TTYH1: variants seen among roughly 807,000 people sequenced by gnomAD.
TTYH1 encodes protein tweety homolog 1.
In TTYH1, 33 loss-of-function variants were observed where a neutral mutation model predicts 61.2. That is an observed-to-expected ratio of 0.54 (90% CI 0.41 to 0.72). TTYH1 has a LOEUF of 0.72. Among genes scored for constraint, TTYH1 ranks in the 30% least tolerant of loss-of-function variants. The probability of loss-of-function intolerance (pLI) is 0.00; values close to 1 mark genes in which losing one functional copy is unlikely to be tolerated. For synonymous variants in TTYH1, 308 were observed against 266.4 expected (o/e 1.16, Z -1.52); for missense variants, 538 against 575.8 (o/e 0.93, Z 0.67).
Position 54,419,686 on chromosome 19 carries a change from C to T in TTYH1, c.305+380C>T, listed in dbSNP as rs544098978. On this transcript the variant is annotated intron_variant, in intron 2 of 13. Transcript: ENST00000376530. This position sits in a 1 kb window ranked among gnomAD's most constrained non-coding sequence, Gnocchi z 6.1. ...GCATTATCATCTCGCCCACCTCCTG[C>T]GGGGGTAAGATGGAGAGAAAGCACA... is the stretch of plus-strand genomic sequence containing the variant. 153 of 481,166 alleles carry T rather than the reference C, an allele frequency of 3.2e-4. 2 individuals are homozygous for T. The highest frequency in any genetic ancestry group is 1.6e-3 in the South Asian group (90 of 57,840). 29.8% of individuals were successfully genotyped at this position (481,166 alleles called of 1,614,324 possible). A position where few individuals can be genotyped will look rare whatever the true frequency, so the allele number is the denominator to read the frequency against.
chr19:54,435,613 C>G lies in TTYH1; in HGVS notation c.1197C>G (p.Ser399=). The part of the protein sequence containing the change: ...LEGLLFLLLF[S]LLSAGALATA... ...GCCTGCTCTTCCTGCTACTCTTCTCCCTGCTGTCTGCAGGAGCGCTGGCCA... is the reference window on the plus strand; with the variant it reads ...GCCTGCTCTTCCTGCTACTCTTCTCGCTGCTGTCTGCAGGAGCGCTGGCCA... The change falls in exon 11 of 14, where the codon TCC becomes TCG. Residue 399 remains serine, a synonymous_variant. Coordinates refer to ENST00000376530, the MANE Select transcript of TTYH1 (RefSeq NM_020659.4). 1 of 1,612,088 alleles carries G rather than the reference C, an allele frequency of 6.2e-7. No homozygotes were observed. The highest frequency in any genetic ancestry group is 2.2e-5 in the East Asian group (1 of 44,874).
At chr19:54,425,004 G>A (rs2083294288) in intron 4 of TTYH1, among the ~76,000 whole-genome samples, 1 of 152,196 alleles carries the variant, frequency 6.6e-6, no homozygotes, top group Admixed American at 6.5e-5. Flanking sequence ...TCCAAGGAAT[G>A]GAATCCTGGG....
At position 54,429,646 on chromosome 19, in the gene TTYH1, AGGAGAAGCTGGG is replaced by A. The variant is rs907291084; in HGVS notation, c.808-233_808-222del. Among the ~76,000 whole-genome samples the A allele has an allele frequency of 8.1e-5, 12 of 147,730 alleles. No homozygotes were observed. Among genetic ancestry groups the A allele is most frequent in the Non-Finnish European group, 1.6e-4 (11 of 66,946 alleles). ...GGGTCTGGACTCCTGGGTGTGAGGGAGGAGAAGCTGGGGGCCTGGACTCCTGAGTCTGAGGGA... is the reference window on the plus strand; with the variant it reads ...GGGTCTGGACTCCTGGGTGTGAGGGAGGCCTGGACTCCTGAGTCTGAGGGA... On this transcript the variant is annotated intron_variant, in intron 6 of 13. Coordinates refer to ENST00000376530, the MANE Select transcript of TTYH1 (RefSeq NM_020659.4). The surrounding 1 kb of genome is among the most constrained non-coding windows in gnomAD (Gnocchi z 5.1).
intron 10 of TTYH1, among the ~76,000 whole-genome samples, 158 bp from the exon 11 acceptor site, chr19:54,435,384 A>G (rs554717592): frequency 3.9e-5 from 6 of 152,166 alleles, no homozygotes; most frequent in Admixed American, 3.9e-4. Context: ...TACCCACTGT[A>G]TTCTCAGAAC....
Position 54,436,153 on chromosome 19 carries a change from A to G in TTYH1, c.*24A>G. The stretch of plus-strand genomic sequence containing the variant: ...GAGCCCCTCCTCCCGGCTGGACTGG[A>G]GCCTGGCTCCCCTCTTCGGTGAGCT... On this transcript the variant is annotated 3_prime_UTR_variant, in exon 13 of 14. Transcript: ENST00000376530. This position sits in a 1 kb window ranked among gnomAD's most constrained non-coding sequence, Gnocchi z 4.3. 1 of 1,613,958 alleles carries G rather than the reference A, an allele frequency of 6.2e-7. No individual in the cohort carries two copies. Among genetic ancestry groups the G allele is most frequent in the South Asian group, 1.1e-5 (1 of 91,090 alleles).
chr19:54,416,162 G>C lies in TTYH1; in HGVS notation c.126+484G>C, dbSNP rs1033137352. Reference sequence around the variant, plus strand: ...GCTGCTGCGGTGCTGGGATGGGATTGAGAGTCTGAAATGGGGAAGGGGGCT... The same window carrying C: ...GCTGCTGCGGTGCTGGGATGGGATTCAGAGTCTGAAATGGGGAAGGGGGCT... On this transcript the variant is annotated intron_variant, in intron 1 of 13. Transcript: ENST00000376530. The surrounding 1 kb of genome is among the most constrained non-coding windows in gnomAD (Gnocchi z 7.0). The C allele has an allele frequency of 3.9e-5, 40 of 1,014,136 alleles. No homozygotes were observed. In the African/African-American group the frequency reaches 6.5e-4, roughly 16 times the overall value. 62.8% of individuals were successfully genotyped at this position (1,014,136 alleles called of 1,614,324 possible). A position where few individuals can be genotyped will look rare whatever the true frequency, so the allele number is the denominator to read the frequency against.
intron 4 of TTYH1, among the ~76,000 whole-genome samples, chr19:54,423,079 G>A (rs916859226): frequency 9.9e-5 from 15 of 151,630 alleles, no homozygotes; most frequent in Admixed American, 4.6e-4. Flanking sequence ...TCACACATGC[G>A]TTCATTCCTT....
Position 54,421,451 on chromosome 19 carries a change from G to A in TTYH1, c.417+63G>A. The stretch of plus-strand genomic sequence containing the variant: ...CCTGGACGGGCTCCCCACACCCAAG[G>A]ACAAAGGGATCCAAACTCAGAGCTA... On this transcript the variant is annotated intron_variant, in intron 3 of 13. Transcript: ENST00000376530. The surrounding 1 kb of genome is among the most constrained non-coding windows in gnomAD (Gnocchi z 4.8). 8.9e-7 allele frequency: 1 copy of A among 1,125,918 alleles called. No homozygotes were observed. Among genetic ancestry groups the A allele is most frequent in the Non-Finnish European group, 1.4e-6 (1 of 736,982 alleles). The allele number at this position is 1,125,918 out of a possible 1,614,324, so 69.7% of individuals were successfully genotyped here. A position where few individuals can be genotyped will look rare whatever the true frequency, so the allele number is the denominator to read the frequency against.
intron 1 of TTYH1, among the ~76,000 whole-genome samples, chr19:54,417,836 TCA>T (rs2083120467): frequency 6.6e-6 from 1 of 151,682 alleles, no homozygotes; most frequent in Admixed American, 6.6e-5. Flanking sequence ...CCGGACCCAC[TCA>T]CAGGCCCAAG....
rs1189149191 is a variant in TTYH1, at chr19:54,420,490, GC to G, written c.306-785del. Among the ~76,000 whole-genome samples, 2 of 152,022 alleles carry G rather than the reference GC, an allele frequency of 1.3e-5. No homozygotes were observed. Among genetic ancestry groups the G allele is most frequent in the African/African-American group, 4.8e-5 (2 of 41,398 alleles). On this transcript the variant is annotated intron_variant, in intron 2 of 13. Transcript: ENST00000376530. This position sits in a 1 kb window ranked among gnomAD's most constrained non-coding sequence, Gnocchi z 4.8. ...CCCGAGGGATGGGGGTGGAGGCCCA[GC>G]CGGGGCTGGGAACCGGGAGGGTGTC...
rs889149 is a variant in TTYH1, at chr19:54,429,293, C to T, written c.735-14C>T. ...ATTAAGAACCCCGGGCTGATCCTCC[C>T]TCCCCCACTCTAGGATGACAGTCAT... On this transcript the variant is annotated splice_polypyrimidine_tract_variant and intron_variant, in intron 5 of 13. Transcript: ENST00000376530. The surrounding 1 kb of genome is among the most constrained non-coding windows in gnomAD (Gnocchi z 5.1). The T allele has an allele frequency of 0.21, 346,379 of 1,611,400 alleles. 39,005 individuals carry two copies. Among genetic ancestry groups the T allele is most frequent in the Middle Eastern group, 0.32 (1,906 of 6,050 alleles).
intron 4 of TTYH1, among the ~76,000 whole-genome samples, chr19:54,423,859 C>T (rs1025228454): frequency 6.6e-6 from 1 of 152,080 alleles, no homozygotes; most frequent in Non-Finnish European, 1.5e-5. Context: ...GCCATGAGAA[C>T]TTTGGAGAAA....
chr19:54,415,895 A>C lies in TTYH1; in HGVS notation c.126+217A>C. The stretch of plus-strand genomic sequence containing the variant: ...GGGGGTCCAGACCTCGAGCTCTCTA[A>C]ATAAGGGAAGGCTGGGGACCTGCAC... On this transcript the variant is annotated intron_variant, in intron 1 of 13. Transcript: ENST00000376530. The surrounding 1 kb of genome is among the most constrained non-coding windows in gnomAD (Gnocchi z 5.2). The C allele has an allele frequency of 1.3e-6, 1 of 787,758 alleles. No homozygotes were observed. Among genetic ancestry groups the C allele is most frequent in the Non-Finnish European group, 1.9e-6 (1 of 514,852 alleles). The allele number at this position is 787,758 out of a possible 1,614,324, so 48.8% of individuals were successfully genotyped here. A position where few individuals can be genotyped will look rare whatever the true frequency, so the allele number is the denominator to read the frequency against.
chr19:54,432,662 C>T (rs1370663168), intron 10 of TTYH1: 1 of 152,314 alleles, frequency 6.6e-6, no homozygotes, highest in Non-Finnish European at 1.5e-5. Flanking sequence ...GCATGGCCCC[C>T]TCCCCATCCA....
chr19:54,420,080 A>G lies in TTYH1; in HGVS notation c.305+774A>G, dbSNP rs1026522018. Among the ~76,000 whole-genome samples the G allele has an allele frequency of 4.6e-5, 7 of 152,122 alleles. No individual in the cohort carries two copies. The highest frequency in any genetic ancestry group is 1.7e-4 in the African/African-American group (7 of 41,424). On this transcript the variant is annotated intron_variant, in intron 2 of 13. Coordinates refer to ENST00000376530, the MANE Select transcript of TTYH1 (RefSeq NM_020659.4). This position sits in a 1 kb window ranked among gnomAD's most constrained non-coding sequence, Gnocchi z 4.8. ...AGAGGCAGCACAGAGATTCAGACCC[A>G]GGTTAGTAGGACCCCCTCACACCCC...
In TTYH1 at chr19:54,436,430, TC is replaced by T. The variant is rs2083554964; in HGVS notation, c.*143del. 5.7e-6 allele frequency: 9 copies of T among 1,583,580 alleles called. No individual in the cohort carries two copies. Among genetic ancestry groups the T allele is most frequent in the Non-Finnish European group, 7.8e-6 (9 of 1,152,950 alleles). ...CATGGACAGCCTGCACAGGACCGCCTCCCTGCTCTTGGCCACTGTGCTCCCA... is the reference window on the plus strand; with the variant it reads ...CATGGACAGCCTGCACAGGACCGCCTCCTGCTCTTGGCCACTGTGCTCCCA... On this transcript the variant is annotated 3_prime_UTR_variant, in exon 14 of 14. Transcript: ENST00000376530. This position sits in a 1 kb window ranked among gnomAD's most constrained non-coding sequence, Gnocchi z 4.3.
At chr19:54,433,898 GGTCA>G (rs2083489011) in intron 10 of TTYH1, among the ~76,000 whole-genome samples, 1 of 152,016 alleles carries the variant, frequency 6.6e-6, no homozygotes, top group Non-Finnish European at 1.5e-5. Flanking sequence ...AGCGTGAGAG[GGTCA>G]GTGTCTGCCT....
intron 4 of TTYH1, among the ~76,000 whole-genome samples, chr19:54,424,034 G>A (rs1311617098): frequency 1.3e-5 from 2 of 152,044 alleles, no homozygotes; most frequent in Non-Finnish European, 2.9e-5. Context: ...GGTGGTGGGC[G>A]CCTGTAGTCC....
chr19:54,425,577 G>A (rs770440976), intron 4 of TTYH1, among the ~76,000 whole-genome samples: 6 of 152,110 alleles, frequency 3.9e-5, no homozygotes, highest in Non-Finnish European at 8.8e-5. Flanking sequence ...AGGTGGATGC[G>A]GTCACCTTCC....
Sources: gnomAD v4.1 joint callset for allele counts (sites outside exome capture counted in the v4.1 genomes callset) on GRCh38, gnomAD v4.1.1 for gene constraint, Gnocchi (gnomAD v3.1) non-coding constraint, MANE v1.5 for transcripts, NCBI Gene and HGNC (gene_info 2026-07-23, HGNC 2026-07-21) for gene names.